The following VGLL4 variants were observed in gnomAD, a reference collection of about 807,000 sequenced individuals.
VGLL4 encodes vestigial like family member 4, also known as transcription cofactor vestigial-like protein 4.
In VGLL4, 7 loss-of-function variants were observed where a neutral mutation model predicts 21.0. That is an observed-to-expected ratio of 0.33 (90% CI 0.19 to 0.63). The LOEUF (loss-of-function observed/expected upper bound fraction) is 0.63. VGLL4 is among the 20% of genes least tolerant of loss of function. The pLI is 0.78. For synonymous variants in VGLL4, 222 were observed against 173.2 expected (o/e 1.28, Z -2.21); for missense variants, 394 against 425.7 (o/e 0.93, Z 0.66).
At position 11,590,721 on chromosome 3, in the gene VGLL4, T is replaced by C. The variant is rs56341043; in HGVS notation, c.272+11112A>G. 9.1e-3 allele frequency among the ~76,000 whole-genome samples: 1,372 copies of C among 150,660 alleles called. 9 individuals carry two copies. The highest frequency in any genetic ancestry group is 0.014 in the South Asian group (68 of 4,766). On this transcript the variant is annotated intron_variant, in intron 2 of 4. Transcript: ENST00000430365. ...GTGTGTGTGTGTGTGTTTTAACCCA[T>C]AGAAACAGCAAAATGGAGAGAGAGC... is the stretch of plus-strand genomic sequence containing the variant.
intron 2 of VGLL4, among the ~76,000 whole-genome samples, chr3:11,585,304 C>T (rs1272390956): frequency 3.9e-5 from 6 of 151,948 alleles, no homozygotes; most frequent in Admixed American, 6.6e-5. Context: ...CATGTGGTGG[C>T]GCATGCCTGT....
At chr3:11,566,661 C>T (rs1014869430) in intron 2 of VGLL4, among the ~76,000 whole-genome samples, 1 of 152,170 alleles carries the variant, frequency 6.6e-6, no homozygotes, top group African/African-American at 2.4e-5. Flanking sequence ...GCTGTGTACA[C>T]GCGGTGCCGC....
At position 11,565,157 on chromosome 3, in the gene VGLL4, G is replaced by A. The variant is rs2073410607; in HGVS notation, c.273-138C>T. ...TCGTGTGGCTGGGCAGCACGATGAG[G>A]AGCCGGTTGCCAGCCCGGGTCAGCC... On this transcript the variant is annotated intron_variant, in intron 2 of 4. Transcript: ENST00000430365. The surrounding 1 kb of genome is among the most constrained non-coding windows in gnomAD (Gnocchi z 4.1). The A allele has an allele frequency of 2.2e-6, 2 of 896,154 alleles. No individual in the cohort carries two copies. Among genetic ancestry groups the A allele is most frequent in the East Asian group, 3.3e-5 (1 of 30,138 alleles). 55.5% of individuals were successfully genotyped at this position (896,154 alleles called of 1,614,324 possible). A position where few individuals can be genotyped will look rare whatever the true frequency, so the allele number is the denominator to read the frequency against.
intron 2 of VGLL4, among the ~76,000 whole-genome samples, chr3:11,696,278 G>A (rs889804891): frequency 5.9e-5 from 9 of 152,182 alleles, no homozygotes; most frequent in Non-Finnish European, 1.3e-4. Flanking sequence ...TACTCCATTA[G>A]AGGCAGTTCC....
intron 3 of VGLL4, among the ~76,000 whole-genome samples, chr3:11,564,553 G>A (rs1002937565): frequency 6.6e-6 from 1 of 152,158 alleles, no homozygotes; most frequent in Non-Finnish European, 1.5e-5. Context: ...CCAAGGCCGT[G>A]AGTGCTAAGA....
Position 11,705,166 on chromosome 3 carries a change from C to T in VGLL4, c.-13-2119G>A, listed in dbSNP as rs143470439. 1.3e-3 allele frequency among the ~76,000 whole-genome samples: 196 copies of T among 152,344 alleles called. 1 individual carries two copies. The highest frequency in any genetic ancestry group is 2.2e-3 in the Non-Finnish European group (153 of 68,034). ...TGAAAACTCCATCTAAGCAGAAAAG[C>T]GGCTTAGTCATCCATGCGTTCTGGG... On this transcript the variant is annotated intron_variant, in intron 1 of 5. Transcript: ENST00000273038.
chr3:11,573,261 AAG>A lies in VGLL4; in HGVS notation c.273-8244_273-8243del, dbSNP rs1357237222. Among the ~76,000 whole-genome samples, 3 of 9,630 alleles carry A rather than the reference AAG, an allele frequency of 3.1e-4. 1 individual carries two copies. The highest frequency in any genetic ancestry group is 1.9e-3 in the African/African-American group (2 of 1,034). 6.3% of individuals were successfully genotyped at this position (9,630 alleles called of 152,430 possible). A position where few individuals can be genotyped will look rare whatever the true frequency, so the allele number is the denominator to read the frequency against. ...AAAGAAATAGAGAAAGAAAGAAAGA[AAG>A]AAAGAAAGAAAGAAAGAAAGAAAGA... On this transcript the variant is annotated intron_variant, in intron 2 of 4. Coordinates refer to ENST00000430365, the MANE Select transcript of VGLL4 (RefSeq NM_001128219.3).
chr3:11,630,710 T>C (rs1327349693), intron 1 of VGLL4, among the ~76,000 whole-genome samples: 1 of 152,118 alleles, frequency 6.6e-6, no homozygotes, highest in African/African-American at 2.4e-5. Context: ...ACACTGCTGG[T>C]AGAAGAGTAA....
chr3:11,700,079 G>A (rs1439581908), intron 2 of VGLL4, among the ~76,000 whole-genome samples: 4 of 152,058 alleles, frequency 2.6e-5, no homozygotes, highest in Non-Finnish European at 5.9e-5. Flanking sequence ...AGCCATAAGC[G>A]TCTGCACACA....
intron 2 of VGLL4, among the ~76,000 whole-genome samples, chr3:11,579,217 T>TA (rs34908529): frequency 0.65 from 87,021 of 134,512 alleles, 27,987 homozygotes; most frequent in Non-Finnish European, 0.73. Context: ...GCTAACTTTC[T>TA]AAAAAAAAAA....
intron 1 of VGLL4, among the ~76,000 whole-genome samples, chr3:11,713,632 C>T (rs2076881148): frequency 6.7e-6 from 1 of 148,896 alleles, no homozygotes; most frequent in Non-Finnish European, 1.5e-5. Context: ...AGGTACCTGC[C>T]AACCTCAAGT....
intron 1 of VGLL4, among the ~76,000 whole-genome samples, chr3:11,606,451 A>G (rs1299595010): frequency 2.0e-5 from 3 of 152,256 alleles, no homozygotes; most frequent in Admixed American, 1.3e-4. Flanking sequence ...GATGTGGAGA[A>G]GCTGGAACAC....
chr3:11,584,502 A>G lies in VGLL4; in HGVS notation c.272+17331T>C, dbSNP rs187537572. 2.1e-3 allele frequency among the ~76,000 whole-genome samples: 325 copies of G among 152,280 alleles called. 2 individuals carry two copies. Among genetic ancestry groups the G allele is most frequent in the African/African-American group, 7.4e-3 (309 of 41,540 alleles). On this transcript the variant is annotated intron_variant, in intron 2 of 4. Coordinates refer to ENST00000430365, the MANE Select transcript of VGLL4 (RefSeq NM_001128219.3). ...GGGAACAGATCAGTAAACCATATAG[A>G]GTGAAGCTGGCAGAACACACCAGCG...
At chr3:11,566,905 A>G (rs976774222) in intron 2 of VGLL4, among the ~76,000 whole-genome samples, 2 of 152,294 alleles carry the variant, frequency 1.3e-5, no homozygotes, top group African/African-American at 2.4e-5. Context: ...GAAGAGAAGC[A>G]GCATATGGGT....
Position 11,643,906 on chromosome 3 carries a change from T to G in VGLL4, c.-388A>C, listed in dbSNP as rs940325167. ...CCGCTGCAAGCCGGCAGCGCTGACA[T>G]GAGGGCTATGCTTGGCATGACTCCT... On this transcript the variant is annotated 5_prime_UTR_variant, in exon 1 of 5. The change abolishes an upstream ATG in the 5' untranslated region. Transcript: ENST00000430365. The G allele has an allele frequency of 2.1e-5, 21 of 1,023,248 alleles. No individual in the cohort carries two copies. The highest frequency in any genetic ancestry group is 9.6e-5 in the East Asian group (1 of 10,392). The allele number at this position is 1,023,248 out of a possible 1,614,324, so 63.4% of individuals were successfully genotyped here. A position where few individuals can be genotyped will look rare whatever the true frequency, so the allele number is the denominator to read the frequency against.
At chr3:11,694,134 A>G (rs1406066201) in intron 2 of VGLL4, among the ~76,000 whole-genome samples, 1 of 152,202 alleles carries the variant, frequency 6.6e-6, no homozygotes, top group Non-Finnish European at 1.5e-5. Context: ...ACTGAATGAG[A>G]TGATACTGTA....
upstream of VGLL4, among the ~76,000 whole-genome samples, chr3:11,647,827 G>A (rs368291533): frequency 2.4e-4 from 36 of 152,132 alleles, no homozygotes; most frequent in South Asian, 7.1e-3. Flanking sequence ...ACATCTAAAC[G>A]GCAGATTCTT....
At chr3:11,589,829 G>C (rs1420008216) in intron 2 of VGLL4, among the ~76,000 whole-genome samples, 1 of 152,132 alleles carries the variant, frequency 6.6e-6, no homozygotes, top group East Asian at 1.9e-4. Flanking sequence ...TCTTATAAGG[G>C]CACTAATCCT....
intron 2 of VGLL4, among the ~76,000 whole-genome samples, chr3:11,598,302 CA>C (rs1258562569): frequency 6.6e-6 from 1 of 151,896 alleles, no homozygotes; most frequent in Non-Finnish European, 1.5e-5. Context: ...GCTAGGATTA[CA>C]GGCACGAGCC....
Sources: allele counts gnomAD v4.1 joint callset (sites outside exome capture counted in the v4.1 genomes callset), GRCh38; gene constraint gnomAD v4.1.1; non-coding constraint Gnocchi (gnomAD v3.1); transcripts MANE v1.5; gene names NCBI Gene and HGNC (gene_info 2026-07-23, HGNC 2026-07-21).